NKAIN2: variants seen among roughly 807,000 people sequenced by gnomAD.
NKAIN2 encodes sodium/potassium transporting ATPase interacting 2, also known as sodium/potassium-transporting ATPase subunit beta-1-interacting protein 2.
A neutral mutation model predicts 32.6 loss-of-function variants in NKAIN2; 14 were observed. The observed-to-expected ratio is 0.43, with a 90% CI of 0.28 to 0.67. NKAIN2 has a LOEUF of 0.67. Ranked by LOEUF, NKAIN2 falls within the 30% of genes least tolerant of loss-of-function variation. The pLI is 0.17. For missense variants in NKAIN2, 198 were observed against 258.3 expected (o/e 0.77, Z 1.60); for synonymous variants, 80 against 87.2 (o/e 0.92, Z 0.46).
intron 1 of NKAIN2, among the ~76,000 whole-genome samples, chr6:124,179,826 C>G (rs943248791): frequency 2.6e-5 from 4 of 152,176 alleles, no homozygotes; most frequent in Non-Finnish European, 5.9e-5. Context: ...GATTGCAAAC[C>G]TTCTTAAATA....
At chr6:124,017,777 C>T (rs1167997540) in intron 1 of NKAIN2, among the ~76,000 whole-genome samples, 2 of 152,100 alleles carry the variant, frequency 1.3e-5, no homozygotes, top group African/African-American at 2.4e-5. Flanking sequence ...TACAGCACCC[C>T]CCACCCCGAC....
chr6:123,876,416 C>G (rs1357263154), intron 1 of NKAIN2, among the ~76,000 whole-genome samples: 1 of 151,954 alleles, frequency 6.6e-6, no homozygotes, highest in Non-Finnish European at 1.5e-5. Context: ...GAGAACAGAA[C>G]CAATAGGATA....
At chr6:124,450,678 T>G (rs76329375) in intron 3 of NKAIN2, among the ~76,000 whole-genome samples, 2,987 of 151,990 alleles carry the variant, frequency 0.02, 109 homozygotes, top group African/African-American at 0.068. Flanking sequence ...ATTCTGAGAT[T>G]GGAAAAGCAT....
chr6:124,266,925 A>T (rs1005235257), intron 1 of NKAIN2, among the ~76,000 whole-genome samples: 1 of 152,216 alleles, frequency 6.6e-6, no homozygotes, highest in African/African-American at 2.4e-5. Flanking sequence ...CATCCTTCTC[A>T]GGCTTTATCT....
intron 3 of NKAIN2, among the ~76,000 whole-genome samples, chr6:124,467,323 G>A (rs1473970334): frequency 6.6e-6 from 1 of 152,062 alleles, no homozygotes; most frequent in African/African-American, 2.4e-5. Context: ...TTAGTTTGAT[G>A]CATGTAAGAC....
intron 3 of NKAIN2, among the ~76,000 whole-genome samples, chr6:124,393,119 C>G (rs915733906): frequency 1.3e-5 from 2 of 152,114 alleles, no homozygotes; most frequent in African/African-American, 4.8e-5. Flanking sequence ...TTGGAGACAG[C>G]TGTGGCTCAG....
intron 3 of NKAIN2, among the ~76,000 whole-genome samples, chr6:124,608,184 T>G (rs1259286398): frequency 6.6e-6 from 1 of 152,104 alleles, no homozygotes; most frequent in African/African-American, 2.4e-5. Context: ...GAACCAAACT[T>G]TTTGGCTTTA....
chr6:124,778,056 A>T (rs1779060280), intron 4 of NKAIN2, among the ~76,000 whole-genome samples: 1 of 152,118 alleles, frequency 6.6e-6, no homozygotes, highest in African/African-American at 2.4e-5. Flanking sequence ...CAGTGAGGAG[A>T]TAGACAGATT....
intron 3 of NKAIN2, among the ~76,000 whole-genome samples, chr6:124,635,721 T>A (rs1783749446): frequency 1.3e-5 from 2 of 151,826 alleles, no homozygotes; most frequent in Non-Finnish European, 2.9e-5. Context: ...AATAAAGGGG[T>A]CAATTCAGCA....
Position 124,057,294 on chromosome 6 carries a change from A to G in NKAIN2, c.55-225711A>G, listed in dbSNP as rs1013993879. Among the ~76,000 whole-genome samples the G allele has an allele frequency of 6.6e-5, 10 of 151,966 alleles. No individual in the cohort carries two copies. In the Admixed American group the frequency reaches 6.6e-4, roughly 10 times the overall value. ...CTCATTCATCCCTCCAACTACATGT[A>G]TGTTTCTTTTTAAATTTGTCTTTGA... On this transcript the variant is annotated intron_variant, in intron 1 of 6. Transcript: ENST00000368417.
At chr6:124,514,989 T>C (rs1357985631) in intron 3 of NKAIN2, among the ~76,000 whole-genome samples, 1 of 152,168 alleles carries the variant, frequency 6.6e-6, no homozygotes, top group East Asian at 1.9e-4. Context: ...AATTTTTAAA[T>C]ATGTCAAACT....
At chr6:123,958,534 T>C (rs1777701345) in intron 1 of NKAIN2, among the ~76,000 whole-genome samples, 1 of 152,238 alleles carries the variant, frequency 6.6e-6, no homozygotes, top group South Asian at 2.1e-4. Context: ...CTCAAGCCTC[T>C]TTTAAAAGGA....
chr6:124,263,457 C>T (rs1472066386), intron 1 of NKAIN2, among the ~76,000 whole-genome samples: 1 of 152,170 alleles, frequency 6.6e-6, no homozygotes, highest in Non-Finnish European at 1.5e-5. Flanking sequence ...TGGCCTTGCT[C>T]TGCGGACACA....
chr6:124,516,766 T>G (rs1778931034), intron 3 of NKAIN2, among the ~76,000 whole-genome samples: 1 of 152,138 alleles, frequency 6.6e-6, no homozygotes, highest in Non-Finnish European at 1.5e-5. Context: ...TCCCAAATAC[T>G]CATTTTCTCT....
At chr6:123,896,281 C>T (rs1013753969) in intron 1 of NKAIN2, among the ~76,000 whole-genome samples, 1 of 152,084 alleles carries the variant, frequency 6.6e-6, no homozygotes, top group Non-Finnish European at 1.5e-5. Context: ...GTACAGTTAC[C>T]TTCATTTTAC....
At chr6:124,131,433 A>G (rs1786470791) in intron 1 of NKAIN2, among the ~76,000 whole-genome samples, 1 of 152,218 alleles carries the variant, frequency 6.6e-6, no homozygotes, top group Non-Finnish European at 1.5e-5. Flanking sequence ...AGAAATTCAC[A>G]CTGTGAACTT....
At chr6:124,676,412 A>G (rs529646985) in intron 4 of NKAIN2, among the ~76,000 whole-genome samples, 1 of 152,178 alleles carries the variant, frequency 6.6e-6, no homozygotes, top group East Asian at 1.9e-4. Flanking sequence ...CCATTATTGA[A>G]TGTGGGGTAT....
chr6:124,812,674 T>C (rs1780957663), intron 5 of NKAIN2, among the ~76,000 whole-genome samples: 1 of 152,178 alleles, frequency 6.6e-6, no homozygotes, highest in African/African-American at 2.4e-5. Context: ...TTAGATGTAC[T>C]ACTTATAACT....
chr6:123,847,747 GT>G (rs1477738890), intron 1 of NKAIN2, among the ~76,000 whole-genome samples: 5 of 152,006 alleles, frequency 3.3e-5, no homozygotes, highest in Non-Finnish European at 7.4e-5. Flanking sequence ...TAAAATTGCT[GT>G]ATCTAAAATC....
Sources: allele counts gnomAD v4.1 joint callset (sites outside exome capture counted in the v4.1 genomes callset), GRCh38; gene constraint gnomAD v4.1.1; transcripts MANE v1.5; gene names NCBI Gene and HGNC (gene_info 2026-07-23, HGNC 2026-07-21).